The following XPR1 variants were observed in gnomAD, a reference collection of about 807,000 sequenced individuals.
XPR1 encodes xenotropic and polytropic retrovirus receptor 1.
In XPR1, 28 loss-of-function variants were observed where a neutral mutation model predicts 87.5. That is an observed-to-expected ratio of 0.32 (90% CI 0.24 to 0.44). The LOEUF is 0.44. XPR1 is among the 20% of genes least tolerant of loss of function. The pLI, the probability that XPR1 is intolerant of heterozygous loss-of-function variation, is 1.00. For synonymous variants in XPR1, 300 were observed against 306.1 expected, an observed-to-expected ratio of 0.98 and a Z score of 0.21; for missense variants, 559 against 862.3, an observed-to-expected ratio of 0.65 and a Z score of 4.41.
intron 2 of XPR1, among the ~76,000 whole-genome samples, chr1:180,703,477 A>G (rs1430743612): frequency 1.3e-5 from 2 of 152,226 alleles, no homozygotes; most frequent in East Asian, 1.9e-4. Context: ...GGTGTTGGCC[A>G]TGGTTAGCAG....
intron 11 of XPR1, among the ~76,000 whole-genome samples, chr1:180,844,063 G>C (rs6687073): frequency 6.6e-6 from 1 of 151,894 alleles, no homozygotes; most frequent in Admixed American, 6.6e-5. Context: ...ATACAAAAAT[G>C]AGTTGAGTGT....
intron 2 of XPR1, among the ~76,000 whole-genome samples, chr1:180,785,377 C>T (rs908489331): frequency 3.3e-5 from 5 of 152,120 alleles, no homozygotes; most frequent in East Asian, 1.9e-4. Context: ...AGGCTGGTCT[C>T]GAACTCCTGA....
chr1:180,791,346 AC>A (rs1344960800), intron 3 of XPR1, among the ~76,000 whole-genome samples: 1 of 152,094 alleles, frequency 6.6e-6, no homozygotes, highest in Non-Finnish European at 1.5e-5. Context: ...ATCTCGGCTC[AC>A]TGCAACCTCT....
intron 1 of XPR1, among the ~76,000 whole-genome samples, chr1:180,668,573 C>T (rs1656048243): frequency 6.6e-6 from 1 of 152,208 alleles, no homozygotes; most frequent in South Asian, 2.1e-4. Flanking sequence ...ACTGCTTTCA[C>T]AGTGTCTCAT....
At position 180,821,227 on chromosome 1, in the gene XPR1, T is replaced by C. The variant is rs1650616674; in HGVS notation, c.764-3526T>C. Among the ~76,000 whole-genome samples, 3 of 152,296 alleles carry C rather than the reference T, an allele frequency of 2.0e-5. No homozygotes were observed. The South Asian group carries it at 6.2e-4, about 32-fold the overall frequency. On this transcript the variant is annotated intron_variant, in intron 7 of 14. Transcript: ENST00000367590. ...AATGAGTTTTGAATTAATCTTTGTG[T>C]ATGCTGTGAGACAAGGGACCAACTT...
intron 3 of XPR1, among the ~76,000 whole-genome samples, chr1:180,790,664 C>G (rs1383505145): frequency 6.6e-6 from 1 of 152,018 alleles, no homozygotes; most frequent in Non-Finnish European, 1.5e-5. Flanking sequence ...CTCAGCCTCC[C>G]GAGTAGCTGG....
intron 3 of XPR1, 62 bp downstream of exon 3, chr1:180,787,916 GTTTAAAC>G: frequency 1.6e-6 from 2 of 1,240,486 alleles, no homozygotes; most frequent in Non-Finnish European, 2.3e-6. Flanking sequence ...CCATATCATT[GTTTAAAC>G]TTCTGATCAA....
chr1:180,785,584 C>G (rs1489226703), intron 2 of XPR1, among the ~76,000 whole-genome samples: 1 of 151,858 alleles, frequency 6.6e-6, no homozygotes, highest in African/African-American at 2.4e-5. Context: ...TTTTTTGTTT[C>G]TGAATTCTTG....
At chr1:180,819,435 C>T (rs1361126116) in intron 7 of XPR1, among the ~76,000 whole-genome samples, 1 of 152,094 alleles carries the variant, frequency 6.6e-6, no homozygotes, top group Non-Finnish European at 1.5e-5. Context: ...ATATTTTATT[C>T]AGATCATATT....
At chr1:180,662,948 T>C (rs1023368531) in intron 1 of XPR1, among the ~76,000 whole-genome samples, 4 of 152,236 alleles carry the variant, frequency 2.6e-5, no homozygotes, top group African/African-American at 9.6e-5. Flanking sequence ...AGTTGCATTT[T>C]CAACTCCAGA....
chr1:180,824,394 A>G (rs2102151086), intron 7 of XPR1, among the ~76,000 whole-genome samples: 1 of 152,314 alleles, frequency 6.6e-6, no homozygotes, highest in Non-Finnish European at 1.5e-5. Context: ...AATCCTGGCC[A>G]ACATGGTGAA....
intron 2 of XPR1, among the ~76,000 whole-genome samples, chr1:180,691,667 C>T (rs149705429): frequency 2.4e-4 from 37 of 152,280 alleles, no homozygotes; most frequent in Non-Finnish European, 4.4e-4. Context: ...GTTCTCTCTG[C>T]TTATTCTGCT....
At chr1:180,812,829 T>C (rs1650268943) in intron 7 of XPR1, among the ~76,000 whole-genome samples, 1 of 152,014 alleles carries the variant, frequency 6.6e-6, no homozygotes, top group Non-Finnish European at 1.5e-5. Flanking sequence ...TTTGTATTTT[T>C]AGTAGAGATG....
At chr1:180,838,680 A>G (rs1268194119) in intron 11 of XPR1, among the ~76,000 whole-genome samples, 1 of 152,190 alleles carries the variant, frequency 6.6e-6, no homozygotes, top group Non-Finnish European at 1.5e-5. Flanking sequence ...ATACCGTTTC[A>G]GTGTATTTTA....
rs534953724 is a variant in XPR1, at chr1:180,783,188, A to C, written c.122-4565A>C. ...AGGATCGATTGAGCCTGGGAGGTTG[A>C]GGCTGTAGTGAGCCATGAATGTGCC... On this transcript the variant is annotated intron_variant, in intron 2 of 14. Coordinates refer to ENST00000367590, the MANE Select transcript of XPR1 (RefSeq NM_004736.4). 6.5e-4 allele frequency among the ~76,000 whole-genome samples: 99 copies of C among 152,064 alleles called. 1 individual carries two copies. The highest frequency in any genetic ancestry group is 2.2e-3 in the African/African-American group (91 of 41,518).
intron 11 of XPR1, among the ~76,000 whole-genome samples, chr1:180,842,950 C>T (rs1651565623): frequency 1.3e-5 from 2 of 152,202 alleles, no homozygotes; most frequent in Admixed American, 6.5e-5. Flanking sequence ...GAGGTATTCT[C>T]GGCACAATTA....
chr1:180,681,223 C>T (rs1455663625), intron 1 of XPR1, among the ~76,000 whole-genome samples: 2 of 152,072 alleles, frequency 1.3e-5, no homozygotes, highest in African/African-American at 4.8e-5. Flanking sequence ...ATGTTCTCAA[C>T]ACAAAAAAAT....
intron 1 of XPR1, among the ~76,000 whole-genome samples, chr1:180,677,771 A>T (rs1656415234): frequency 6.6e-6 from 1 of 152,204 alleles, no homozygotes; most frequent in Non-Finnish European, 1.5e-5. Flanking sequence ...GTTGCACTAT[A>T]AACTACGTTC....
intron 11 of XPR1, among the ~76,000 whole-genome samples, chr1:180,838,064 C>T (rs1259397762): frequency 6.6e-6 from 1 of 152,140 alleles, no homozygotes; most frequent in African/African-American, 2.4e-5. Flanking sequence ...TAACTTTTAA[C>T]TCCCAAAAGC....
Sources: allele counts gnomAD v4.1 joint callset (sites outside exome capture counted in the v4.1 genomes callset), GRCh38; gene constraint gnomAD v4.1.1; transcripts MANE v1.5; gene names NCBI Gene and HGNC (gene_info 2026-07-23, HGNC 2026-07-21).